TTN: variants seen among roughly 807,000 people sequenced by gnomAD.
The protein encoded by TTN is connectin.
TTN carries 1,525 observed loss-of-function variants against 3,223.0 expected under a neutral mutation model. The ratio of observed to expected loss-of-function variants is 0.47; its 90% CI spans 0.45 to 0.49. The LOEUF is 0.49. TTN is among the 20% of genes least tolerant of loss of function. TTN has a pLI of 0.00. For synonymous variants in TTN, 14,094 were observed against 15,161.0 expected (o/e 0.93, Z 5.17); for missense variants, 40,786 against 43,424.0 (o/e 0.94, Z 5.40).
At chr2:178,683,849 G>A in intron 133 of TTN, 150 bp downstream of exon 133, 1 of 467,842 alleles carries the variant, frequency 2.1e-6, no homozygotes, top group East Asian at 3.4e-5. Context: ...TATCAAAAAT[G>A]TTTAGTTTTG....
At chr2:178,771,613 T>C (rs1428651121) in intron 33 of TTN, 142 bp from the exon 34 acceptor site, 2 of 1,236,706 alleles carry the variant, frequency 1.6e-6, no homozygotes, top group East Asian at 2.5e-5. Flanking sequence ...TTTACCCATA[T>C]TGAGAAGGTA....
Position 178,715,167 on chromosome 2 carries a change from G to T in TTN, c.26019C>A (p.His8673Gln), listed in dbSNP as rs370266918. ...ECELQGTPPF[H>Q]VSWYKDKREL... The stretch of plus-strand genomic sequence containing the variant: ...CTCTCTTGTCTTTATACCAAGAAAC[G>T]TGAAATGGGGGAGTGCCCTGAAGCT... Residue 8673 changes from histidine to glutamine, a missense_variant, in exon 90 of 363, where the codon CAC becomes CAA. His to Gln is a conservative substitution (Grantham distance 24, BLOSUM62 0). Transcript: ENST00000589042. The T allele has an allele frequency of 1.2e-6, 2 of 1,613,704 alleles. No individual in the cohort carries two copies. The highest frequency in any genetic ancestry group is 1.7e-4 in the Middle Eastern group (1 of 6,058).
Position 178,574,767 on chromosome 2 carries a change from T to C in TTN, c.71365A>G (p.Thr23789Ala). 6.2e-7 allele frequency: 1 copy of C among 1,612,226 alleles called. No individual in the cohort carries two copies. ...TTVIRTTYKA[T>A]RLTTGLEYQF... Reference sequence around the variant, plus strand: ...TACTCTAATCCAGTAGTAAGGCGGGTGGCTTTATAGGTAGTACGTATAACG... The same window carrying C: ...TACTCTAATCCAGTAGTAAGGCGGGCGGCTTTATAGGTAGTACGTATAACG... The change falls in exon 326 of 363, where the codon ACC (threonine) becomes GCC (alanine). Residue 23789 changes from threonine to alanine, a missense_variant. Transcript: ENST00000589042.
intron 44 of TTN, 81 bp downstream of exon 44, chr2:178,758,903 T>C: frequency 7.3e-7 from 1 of 1,362,804 alleles, no homozygotes; most frequent in Non-Finnish European, 1.0e-6. Flanking sequence ...ATGATTTACA[T>C]GAACTCTTGA....
intron 38 of TTN, among the ~76,000 whole-genome samples, chr2:178,768,417 G>T (rs2090909235): frequency 6.6e-6 from 1 of 152,114 alleles, no homozygotes; most frequent in Non-Finnish European, 1.5e-5. Context: ...ATAGATTTGT[G>T]TATCTTGGAC....
In TTN at chr2:178,631,193, A is replaced by G; in HGVS notation, c.43855T>C (p.Phe14619Leu). The change falls in exon 237 of 363, where the codon TTT becomes CTT. Residue 14619 changes from phenylalanine (F) to leucine (L), a missense_variant. Phe to Leu is a conservative substitution (Grantham distance 22). Transcript: ENST00000589042. ...ISKADAPVKW[F>L]KDGKEIKPSK... ...GGCTTTATTTCCTTCCCATCCTTAA[A>G]CCATTTCACTGGTGCATCTGCTTTG... 1 of 1,613,220 alleles carries G rather than the reference A, an allele frequency of 6.2e-7. No homozygotes were observed. The highest frequency in any genetic ancestry group is 8.5e-7 in the Non-Finnish European group (1 of 1,179,574).
chr2:178,768,534 T>C, intron 38 of TTN, 139 bp downstream of exon 38: 1 of 1,278,252 alleles, frequency 7.8e-7, no homozygotes, highest in Non-Finnish European at 1.1e-6. Flanking sequence ...CATATCGTAG[T>C]GCTTCCTTTT....
chr2:178,557,663 C>G lies in TTN; in HGVS notation c.87691G>C (p.Val29231Leu). Residue 29231 changes from valine (V) to leucine (L), a missense_variant, in exon 328 of 363, where the codon GTC becomes CTC. By Grantham distance (32) the Val-to-Leu change is conservative (BLOSUM62 1). Coordinates refer to ENST00000589042, the MANE Select transcript of TTN (RefSeq NM_001267550.2). ...SDHIDSACVT[V>L]KLPYTTPGPP... ...GACAACTTACTGTATGGTAGTTTGACAGTCACACAAGCTGAATCTATATGA... is the reference window on the plus strand; with the variant it reads ...GACAACTTACTGTATGGTAGTTTGAGAGTCACACAAGCTGAATCTATATGA... The G allele has an allele frequency of 1.2e-6, 2 of 1,613,804 alleles. No homozygotes were observed. The highest frequency in any genetic ancestry group is 8.5e-7 in the Non-Finnish European group (1 of 1,179,820).
At position 178,738,066 on chromosome 2, in the gene TTN, A is replaced by T. The variant is rs201124294; in HGVS notation, c.14371+16T>A. ...GAAATGAAGTGACAACATCTGTGCCAATGTATGGCATTTACCTGTCACAGT... is the reference window on the plus strand; with the variant it reads ...GAAATGAAGTGACAACATCTGTGCCTATGTATGGCATTTACCTGTCACAGT... On this transcript the variant is annotated intron_variant, in intron 49 of 362. Transcript: ENST00000589042. 1.2e-6 allele frequency: 2 copies of T among 1,607,446 alleles called. No individual in the cohort carries two copies. The highest frequency in any genetic ancestry group is 1.1e-5 in the South Asian group (1 of 90,622).
chr2:178,613,149 T>A lies in TTN; in HGVS notation c.49648+12A>T. 3 of 1,607,094 alleles carry A rather than the reference T, an allele frequency of 1.9e-6. No homozygotes were observed. Among genetic ancestry groups the A allele is most frequent in the Non-Finnish European group, 2.5e-6 (3 of 1,177,486 alleles). On this transcript the variant is annotated intron_variant, in intron 264 of 362. Coordinates refer to ENST00000589042, the MANE Select transcript of TTN (RefSeq NM_001267550.2). ...AACTTCGAAATAACCACAAAAATTA[T>A]ATAAATAATACCTATGGGATCCTTT...
intron 47 of TTN, chr2:178,745,708 A>G: frequency 6.2e-7 from 1 of 1,611,842 alleles, no homozygotes; most frequent in Non-Finnish European, 8.5e-7. Context: ...ACCCTGTGCC[A>G]CTTTCCTCAA....
rs1209681119 is a variant in TTN, at chr2:178,604,840, G to A, written c.54249C>T (p.Tyr18083=). The change falls in exon 281 of 363, where the codon TAC becomes TAT. Residue 18083 remains tyrosine, a synonymous_variant. Transcript: ENST00000589042. ...TATCAAGAGGGGCATCCCATGTCAAGTAGCAAGATTCAGCTTTAATGTCAG... is the reference window on the plus strand; with the variant it reads ...TATCAAGAGGGGCATCCCATGTCAAATAGCAAGATTCAGCTTTAATGTCAG... ...AVTDIKAESC[Y]LTWDAPLDNG... 3.7e-6 allele frequency: 6 copies of A among 1,612,352 alleles called. No individual in the cohort carries two copies. The highest frequency in any genetic ancestry group is 5.1e-6 in the Non-Finnish European group (6 of 1,179,010).
In TTN at chr2:178,575,741, C is replaced by A. The variant is rs549938348; in HGVS notation, c.70391G>T (p.Gly23464Val). ...TACAATGTAGTTTGTTATACGTGAGCCTCCATCTATCAGAGGGAGGTCCCA... is the reference window on the plus strand; with the variant it reads ...TACAATGTAGTTTGTTATACGTGAGACTCCATCTATCAGAGGGAGGTCCCA... ...LHWDLPLIDGGSRITNYIVEK... is the reference protein window; with the variant it reads ...LHWDLPLIDGVSRITNYIVEK... Residue 23464 changes from glycine (G) to valine (V), a missense_variant, in exon 326 of 363, where the codon GGC becomes GTC. Physicochemically the swap from Gly to Val is moderately radical, Grantham distance 109 (BLOSUM62 -3). Transcript: ENST00000589042. The surrounding 1 kb of genome is among the most constrained non-coding windows in gnomAD (Gnocchi z 4.0). The A allele has an allele frequency of 6.8e-6, 11 of 1,613,398 alleles. No individual in the cohort carries two copies. The highest frequency in any genetic ancestry group is 3.3e-5 in the Admixed American group (2 of 59,960).
intron 98 of TTN, among the ~76,000 whole-genome samples, chr2:178,710,075 T>C (rs1282256044): frequency 6.6e-6 from 1 of 152,194 alleles, no homozygotes; most frequent in African/African-American, 2.4e-5. Flanking sequence ...AAGTAACTCA[T>C]GGCCATTTAG....
At chr2:178,785,387 T>C (rs1385772747) in intron 15 of TTN, among the ~76,000 whole-genome samples, 2 of 152,098 alleles carry the variant, frequency 1.3e-5, no homozygotes, top group African/African-American at 4.8e-5. Context: ...CTGTGTGGAT[T>C]TGTCTCTCCT....
intron 198 of TTN, 28 bp downstream of exon 198, chr2:178,653,210 T>C (rs776768954): frequency 6.2e-7 from 1 of 1,611,340 alleles, no homozygotes; most frequent in African/African-American, 1.3e-5. Flanking sequence ...AATTAGATCA[T>C]CTGAAGCCTA....
chr2:178,679,661 G>A lies in TTN; in HGVS notation c.33602C>T (p.Pro11201Leu), dbSNP rs748063760. 9 of 1,610,174 alleles carry A rather than the reference G, an allele frequency of 5.6e-6. No homozygotes were observed. The East Asian group carries it at 1.3e-4, about 24-fold the overall frequency. ...AACAGGTTTCTTCTCTTCTGGAACA[G>A]GTTTCCTGGGTACCTCAGGCACTTT... The part of the protein sequence containing the change: ...PVKVPEVPRK[P>L]VPEEKKPVPV... The change falls in exon 141 of 363, where the codon CCT (proline) becomes CTT (leucine). Residue 11201 changes from proline to leucine, a missense_variant. Transcript: ENST00000589042.
Position 178,531,103 on chromosome 2 carries a change from G to A in TTN, c.105512C>T (p.Thr35171Ile), listed in dbSNP as rs774524898. The stretch of plus-strand genomic sequence containing the variant: ...GGTGGTCACTTGGTGGCGGGCAGAA[G>A]TACTTAGCACTTGTCCTTTACGCAG... ...TWLRKGQVLS[T>I]SARHQVTTTK... The change falls in exon 358 of 363, where the codon ACT becomes ATT. Residue 35171 changes from threonine (T) to isoleucine (I), a missense_variant. Coordinates refer to ENST00000589042, the MANE Select transcript of TTN (RefSeq NM_001267550.2). 164 of 1,613,870 alleles carry A rather than the reference G, an allele frequency of 1.0e-4. 1 individual carries two copies. The South Asian group carries it at 1.1e-3, about 11-fold the overall frequency.
rs1223532991 is a variant in TTN, at chr2:178,591,689, T to C, written c.60130A>G (p.Lys20044Glu). The C allele has an allele frequency of 6.2e-7, 1 of 1,613,460 alleles. No individual in the cohort carries two copies. Among genetic ancestry groups the C allele is most frequent in the Non-Finnish European group, 8.5e-7 (1 of 1,179,588 alleles). Residue 20044 changes from lysine (K) to glutamate (E), a missense_variant, in exon 303 of 363, where the codon AAG becomes GAG. Transcript: ENST00000589042. ...GCTTTTACACGGAATCTATAGGTCT[T>C]TCCTTGTTGTAGTCCAGTAACCACA... ...ECVVTGLQQG[K>E]TYRFRVKAEN...
Sources: gnomAD v4.1 joint callset for allele counts (sites outside exome capture counted in the v4.1 genomes callset) on GRCh38, gnomAD v4.1.1 for gene constraint, Gnocchi (gnomAD v3.1) non-coding constraint, MANE v1.5 for transcripts, NCBI Gene and HGNC (gene_info 2026-07-23, HGNC 2026-07-21) for gene names.